The following CNTN4 variants were observed in gnomAD, a reference collection of about 807,000 sequenced individuals.
CNTN4 encodes contactin-4.
In CNTN4, 77 loss-of-function variants were observed where a neutral mutation model predicts 122.5. The ratio of observed to expected loss-of-function variants is 0.63; its 90% CI spans 0.52 to 0.76. The LOEUF (loss-of-function observed/expected upper bound fraction) is 0.76. CNTN4 is among the 30% of genes least tolerant of loss of function. The pLI is 0.00. For missense variants in CNTN4, 1,256 were observed against 1,259.1 expected (o/e 1.00, Z 0.04); for synonymous variants, 512 against 447.0 (o/e 1.15, Z -1.83).
intron 4 of CNTN4, among the ~76,000 whole-genome samples, chr3:2,574,630 T>G (rs560553789): frequency 5.3e-5 from 8 of 152,142 alleles, no homozygotes; most frequent in Non-Finnish European, 1.2e-4. Context: ...GGCTTCATTA[T>G]TCTTCTTCTT....
intron 15 of CNTN4, among the ~76,000 whole-genome samples, chr3:3,030,069 G>T (rs1559807815): frequency 6.6e-6 from 1 of 152,140 alleles, no homozygotes; most frequent in Non-Finnish European, 1.5e-5. Flanking sequence ...TCATCAAGCA[G>T]CTATTCTCCA....
intron 2 of CNTN4, among the ~76,000 whole-genome samples, chr3:2,134,400 GGAT>G (rs1359882769): frequency 6.6e-6 from 1 of 152,186 alleles, no homozygotes; most frequent in African/African-American, 2.4e-5. Context: ...ACAGGTTGAT[GGAT>G]GATAGGATCC....
intron 3 of CNTN4, among the ~76,000 whole-genome samples, chr3:2,531,352 C>T (rs1241519884): frequency 1.3e-5 from 2 of 152,048 alleles, no homozygotes; most frequent in African/African-American, 4.8e-5. Flanking sequence ...CTTAGTTTTC[C>T]TCAGGGATAG....
intron 3 of CNTN4, among the ~76,000 whole-genome samples, chr3:2,547,306 C>G (rs2078289051): frequency 6.6e-6 from 1 of 151,876 alleles, no homozygotes. Flanking sequence ...TCTTGTCTCT[C>G]AGGCTGGAGT....
chr3:2,570,197 A>G (rs1334229047), intron 3 of CNTN4, among the ~76,000 whole-genome samples: 3 of 151,890 alleles, frequency 2.0e-5, no homozygotes, highest in African/African-American at 7.3e-5. Context: ...TCTCTGAGAC[A>G]GGGTCTCCCT....
chr3:2,982,044 C>CA (rs951939904), intron 13 of CNTN4, among the ~76,000 whole-genome samples: 15 of 152,078 alleles, frequency 9.9e-5, no homozygotes, highest in Admixed American at 5.2e-4. Flanking sequence ...TCTCAAAAAA[C>CA]AAAAAAATCA....
chr3:2,108,386 A>T (rs1399587427), intron 2 of CNTN4, among the ~76,000 whole-genome samples: 1 of 152,184 alleles, frequency 6.6e-6, no homozygotes, highest in Non-Finnish European at 1.5e-5. Flanking sequence ...ATCTGTCATG[A>T]GAATGACCAT....
intron 3 of CNTN4, among the ~76,000 whole-genome samples, chr3:2,365,834 C>T (rs548691615): frequency 1.3e-4 from 20 of 152,248 alleles, no homozygotes; most frequent in African/African-American, 2.6e-4. Flanking sequence ...AAAAACAAAA[C>T]GTAAACACAA....
Position 2,986,613 on chromosome 3 carries a change from T to G in CNTN4, c.1359-1732T>G, listed in dbSNP as rs377300466. Among the ~76,000 whole-genome samples, 13 of 152,324 alleles carry G rather than the reference T, an allele frequency of 8.5e-5. No individual in the cohort carries two copies. In the East Asian group the frequency reaches 2.3e-3, roughly 27 times the overall value. Reference sequence around the variant, plus strand: ...GCGCATTTACATCTTCACCTGTGTTTTTATAATGCTTGCTCAAAAGTTCTA... The same window carrying G: ...GCGCATTTACATCTTCACCTGTGTTGTTATAATGCTTGCTCAAAAGTTCTA... On this transcript the variant is annotated intron_variant, in intron 13 of 24. Coordinates refer to ENST00000418658, the MANE Select transcript of CNTN4 (RefSeq NM_175607.3).
At chr3:3,048,496 C>T (rs893848434) in intron 23 of CNTN4, among the ~76,000 whole-genome samples, 43 of 127,954 alleles carry the variant, frequency 3.4e-4, no homozygotes, top group African/African-American at 1.3e-3. Context: ...GAATAACTCT[C>T]TCTCTTTCTC....
intron 4 of CNTN4, among the ~76,000 whole-genome samples, chr3:2,684,806 G>A (rs1318478198): frequency 6.6e-6 from 1 of 152,098 alleles, no homozygotes; most frequent in Non-Finnish European, 1.5e-5. Flanking sequence ...TTGTTTTGTT[G>A]TAATCTGTAT....
intron 20 of CNTN4, among the ~76,000 whole-genome samples, chr3:3,041,906 C>T (rs572135233): frequency 1.6e-4 from 25 of 152,258 alleles, no homozygotes; most frequent in Non-Finnish European, 2.8e-4. Flanking sequence ...CTGCAGTGAG[C>T]CATGATTGTG....
At chr3:2,284,010 C>G (rs1444016755) in intron 2 of CNTN4, among the ~76,000 whole-genome samples, 1 of 151,858 alleles carries the variant, frequency 6.6e-6, no homozygotes, top group Non-Finnish European at 1.5e-5. Flanking sequence ...TGCTATTTGC[C>G]AATGCAAATG....
At chr3:2,670,710 A>G (rs1234422579) in intron 4 of CNTN4, among the ~76,000 whole-genome samples, 1 of 152,134 alleles carries the variant, frequency 6.6e-6, no homozygotes, top group Non-Finnish European at 1.5e-5. Flanking sequence ...ACAATTTGGC[A>G]TGTTTTTGCA....
At chr3:2,414,959 T>C (rs1309599923) in intron 3 of CNTN4, among the ~76,000 whole-genome samples, 1 of 152,230 alleles carries the variant, frequency 6.6e-6, no homozygotes, top group Non-Finnish European at 1.5e-5. Flanking sequence ...GTTGCAAAAC[T>C]CTTCTGATAT....
intron 11 of CNTN4, among the ~76,000 whole-genome samples, chr3:2,901,281 T>G (rs376639077): frequency 6.6e-6 from 1 of 152,184 alleles, no homozygotes; most frequent in Admixed American, 6.5e-5. Context: ...TTAATTTTCC[T>G]TATGTATTTT....
intron 8 of CNTN4, among the ~76,000 whole-genome samples, chr3:2,868,996 C>A (rs555175633): frequency 6.6e-6 from 1 of 152,028 alleles, no homozygotes; most frequent in South Asian, 2.1e-4. Flanking sequence ...TATGCAAAAG[C>A]CCTGAGGCCT....
intron 2 of CNTN4, among the ~76,000 whole-genome samples, chr3:2,333,743 A>G (rs1052800905): frequency 2.0e-5 from 3 of 152,214 alleles, no homozygotes; most frequent in African/African-American, 2.4e-5. Flanking sequence ...TGAAAAATGC[A>G]TTTAAATGTA....
Position 2,629,561 on chromosome 3 carries a change from C to T in CNTN4, c.55+58003C>T, listed in dbSNP as rs1414134838. The T allele has an allele frequency of 8.8e-6, 4 of 453,150 alleles. No homozygotes were observed. In the Admixed American group the frequency reaches 9.5e-5, roughly 11 times the overall value. 28.1% of individuals were successfully genotyped at this position (453,150 alleles called of 1,614,324 possible). A position where few individuals can be genotyped will look rare whatever the true frequency, so the allele number is the denominator to read the frequency against. ...TGACTTCTGGTCCTTGCTGGGGGTG[C>T]TGCCAGCCTTGGAGGCTGGTGAGTT... On this transcript the variant is annotated intron_variant, in intron 4 of 24. Coordinates refer to ENST00000418658, the MANE Select transcript of CNTN4 (RefSeq NM_175607.3).
Sources: allele counts gnomAD v4.1 joint callset (sites outside exome capture counted in the v4.1 genomes callset), GRCh38; gene constraint gnomAD v4.1.1; transcripts MANE v1.5; gene names NCBI Gene and HGNC (gene_info 2026-07-23, HGNC 2026-07-21).